The following MID2 variants were observed in gnomAD, a reference collection of about 807,000 sequenced individuals.
MID2 encodes the protein probable E3 ubiquitin-protein ligase MID2.
Under a neutral mutation model 46.1 loss-of-function variants are expected in MID2, and 13 were observed. The ratio of observed to expected loss-of-function variants is 0.28; its 90% CI spans 0.18 to 0.45. The LOEUF (loss-of-function observed/expected upper bound fraction) is 0.45. MID2 is among the 20% of genes least tolerant of loss of function. The pLI, the probability that MID2 is intolerant of heterozygous loss-of-function variation, is 1.00. For synonymous variants in MID2, 199 were observed against 212.3 expected, an observed-to-expected ratio of 0.94 and a Z score of 0.55; for missense variants, 431 against 575.4, an observed-to-expected ratio of 0.75 and a Z score of 2.57.
At chrX:107,852,965 G>A (rs1219610721) in intron 2 of MID2, among the ~76,000 whole-genome samples, 4 of 111,563 alleles carry the variant, frequency 3.6e-5, no homozygotes, top group African/African-American at 1.3e-4. Context: ...CAGTAAGTTG[G>A]GGTATTACAT....
At chrX:107,908,748 G>T (rs1322551383) in intron 5 of MID2, among the ~76,000 whole-genome samples, 1 of 106,588 alleles carries the variant, frequency 9.4e-6, no homozygotes, top group Non-Finnish European at 1.9e-5. Context: ...TGTAGTCCTA[G>T]CTACTTGGGA....
chrX:107,860,727 C>T (rs185510497), intron 3 of MID2, among the ~76,000 whole-genome samples: 1 of 112,540 alleles, frequency 8.9e-6, no homozygotes, highest in East Asian at 2.8e-4. Context: ...TTAAAGACTA[C>T]AATAATAAGT....
chrX:107,898,468 T>C (rs1932763725), intron 3 of MID2, among the ~76,000 whole-genome samples: 1 of 112,395 alleles, frequency 8.9e-6, no homozygotes, highest in Non-Finnish European at 1.9e-5. Context: ...TGAAACTTTA[T>C]CTAATCCTCT....
At chrX:107,866,422 AACACACACACACACACACAC>A (rs57100746) in intron 3 of MID2, among the ~76,000 whole-genome samples, 1,039 of 81,187 alleles carry the variant, frequency 0.013, 15 homozygotes, top group African/African-American at 0.041. Context: ...AGCCACTGAA[AACACACACACACACACACAC>A]ACACACACAC....
intron 3 of MID2, among the ~76,000 whole-genome samples, chrX:107,868,992 T>C (rs1051741388): frequency 2.7e-5 from 3 of 111,088 alleles, no homozygotes; most frequent in Non-Finnish European, 5.7e-5. Flanking sequence ...TGTGATATTT[T>C]CCCCCCAGTT....
At chrX:107,879,204 A>G (rs937778338) in intron 3 of MID2, among the ~76,000 whole-genome samples, 6 of 111,951 alleles carry the variant, frequency 5.4e-5, no homozygotes, top group Non-Finnish European at 1.1e-4. Flanking sequence ...TTAACAGCTC[A>G]GTGGAGGGTC....
intron 3 of MID2, among the ~76,000 whole-genome samples, chrX:107,859,506 C>T (rs762577026): frequency 8.9e-6 from 1 of 112,035 alleles, no homozygotes; most frequent in Non-Finnish European, 1.9e-5. Context: ...AAAATGGTGC[C>T]TTAAGCACTG....
intron 8 of MID2, among the ~76,000 whole-genome samples, chrX:107,925,516 A>G (rs1418414478): frequency 2.7e-5 from 3 of 111,833 alleles, no homozygotes. Context: ...AAAATTGCCT[A>G]ATTATATGTT....
At chrX:107,922,537 T>C (rs1182604015) in intron 7 of MID2, among the ~76,000 whole-genome samples, 2 of 111,919 alleles carry the variant, frequency 1.8e-5, no homozygotes, top group Non-Finnish European at 3.8e-5. Flanking sequence ...CAGAGAAATG[T>C]CATTTCCTCC....
intron 2 of MID2, among the ~76,000 whole-genome samples, chrX:107,845,457 C>A (rs149985983): frequency 3.1e-3 from 330 of 106,377 alleles, no homozygotes; most frequent in African/African-American, 0.011. Flanking sequence ...AAAATATTAC[C>A]CAGCACTGGA....
intron 2 of MID2, among the ~76,000 whole-genome samples, chrX:107,848,331 G>A (rs1469423086): frequency 1.8e-5 from 2 of 111,827 alleles, no homozygotes; most frequent in African/African-American, 6.5e-5. Flanking sequence ...TAGTCTGAGG[G>A]TTATCAAAAT....
intron 3 of MID2, among the ~76,000 whole-genome samples, chrX:107,857,454 G>A (rs767973071): frequency 8.7e-4 from 97 of 111,596 alleles, no homozygotes; most frequent in Admixed American, 1.3e-3. Context: ...CTAATTTCTT[G>A]TATTTTAGTA....
intron 2 of MID2, among the ~76,000 whole-genome samples, chrX:107,850,157 A>C (rs900383586): frequency 4.8e-5 from 5 of 105,162 alleles, no homozygotes; most frequent in Non-Finnish European, 9.6e-5. Context: ...TTTTATATAG[A>C]GATTTTAGAC....
chrX:107,923,673 G>A (rs1004853868), intron 7 of MID2, among the ~76,000 whole-genome samples: 2 of 111,354 alleles, frequency 1.8e-5, no homozygotes, highest in Non-Finnish European at 3.8e-5. Flanking sequence ...GGGTAAGGAT[G>A]GAGTAGGAGA....
At chrX:107,857,909 C>T (rs904302092) in intron 3 of MID2, among the ~76,000 whole-genome samples, 4 of 111,823 alleles carry the variant, frequency 3.6e-5, no homozygotes, top group Non-Finnish European at 5.6e-5. Context: ...AGCTAAGGCG[C>T]TTCTGAGAAA....
At chrX:107,834,902 A>G (rs1015843410) in intron 1 of MID2, among the ~76,000 whole-genome samples, 1 of 111,975 alleles carries the variant, frequency 8.9e-6, no homozygotes, top group African/African-American at 3.2e-5. Context: ...AATATTCACT[A>G]TTTTAAAGTA....
rs1453020095 is a variant in MID2 at position 107,917,737 on chromosome X, G to A, written c.1433G>A (p.Arg478Gln). 4 of 1,208,117 alleles carry A rather than the reference G, an allele frequency of 3.3e-6. No homozygotes were observed. The highest frequency in any genetic ancestry group is 4.3e-5 in the Admixed American group (2 of 46,094). Reference sequence around the variant, plus strand: ...TGCTCAAGATTGGCCGGGGCGCCACGAGGCAAGTGTTTGTAAGACATGTTA... The same window carrying A: ...TGCTCAAGATTGGCCGGGGCGCCACAAGGCAAGTGTTTGTAAGACATGTTA... ...VSCSRLAGAP[R>Q]GLYNSVDSWM... Residue 478 changes from arginine to glutamine, a missense_variant and splice_region_variant, in exon 7 of 10, where the codon CGA becomes CAA. Coordinates refer to ENST00000262843, the MANE Select transcript of MID2 (RefSeq NM_012216.4).
intron 1 of MID2, among the ~76,000 whole-genome samples, chrX:107,829,686 C>T (rs1215151034): frequency 9.0e-6 from 1 of 111,555 alleles, no homozygotes; most frequent in Non-Finnish European, 1.9e-5. Flanking sequence ...ACGCCAAACT[C>T]CATACTTGCA....
At chrX:107,906,091 G>A (rs1932833549) in intron 5 of MID2, among the ~76,000 whole-genome samples, 1 of 111,389 alleles carries the variant, frequency 9.0e-6, no homozygotes, top group East Asian at 2.8e-4. Context: ...TCTTCCAGAG[G>A]AAAAACAATG....
Sources: allele counts gnomAD v4.1 joint callset (sites outside exome capture counted in the v4.1 genomes callset), GRCh38; gene constraint gnomAD v4.1.1; transcripts MANE v1.5; gene names NCBI Gene and HGNC (gene_info 2026-07-23, HGNC 2026-07-21).